PCDHGB7: variants seen among roughly 807,000 people sequenced by gnomAD.
PCDHGB7 encodes the protein protocadherin gamma subfamily B, 7.
A neutral mutation model predicts 61.4 loss-of-function variants in PCDHGB7; 37 were observed. The observed-to-expected ratio is 0.60, with a 90% confidence interval of 0.46 to 0.79. PCDHGB7 has a LOEUF of 0.79. Among genes scored for constraint, PCDHGB7 ranks in the 30% least tolerant of loss-of-function variants. The pLI, the probability that PCDHGB7 is intolerant of heterozygous loss-of-function variation, is 0.00. For synonymous variants in PCDHGB7, 464 were observed against 503.5 expected, an observed-to-expected ratio of 0.92 and a Z score of 1.05; for missense variants, 1,166 against 1,202.5, an observed-to-expected ratio of 0.97 and a Z score of 0.45.
intron 1 of PCDHGB7, chr5:141,427,957 C>G (rs770633827): frequency 1.3e-5 from 20 of 1,588,284 alleles, no homozygotes; most frequent in African/African-American, 2.7e-5. Flanking sequence ...GACAATGTGC[C>G]GCGGGTGCTG....
intron 1 of PCDHGB7, among the ~76,000 whole-genome samples, chr5:141,463,024 A>G (rs2099051235): frequency 6.6e-6 from 1 of 152,070 alleles, no homozygotes; most frequent in South Asian, 2.1e-4. Context: ...GACTTTTTTG[A>G]TTAATCTGAG....
Position 141,487,007 on chromosome 5 carries a change from G to C in PCDHGB7, c.2416-7800G>C, listed in dbSNP as rs563548715. On this transcript the variant is annotated intron_variant, in intron 1 of 3. Transcript: ENST00000398594. This position sits in a 1 kb window ranked among gnomAD's most constrained non-coding sequence, Gnocchi z 5.0. ...TGCTTGGGTTTCCTATCAGCTCCTG[G>C]AGGCCCCAGATCCCAGCCTGTTTGC... The C allele has an allele frequency of 6.2e-7, 1 of 1,614,206 alleles. No individual in the cohort carries two copies. Among genetic ancestry groups the C allele is most frequent in the Non-Finnish European group, 8.5e-7 (1 of 1,180,042 alleles).
chr5:141,487,001 C>T lies in PCDHGB7; in HGVS notation c.2416-7806C>T. ...TTACAATGCTTGGGTTTCCTATCAG[C>T]TCCTGGAGGCCCCAGATCCCAGCCT... On this transcript the variant is annotated intron_variant, in intron 1 of 3. Transcript: ENST00000398594. This position sits in a 1 kb window ranked among gnomAD's most constrained non-coding sequence, Gnocchi z 5.0. 6.2e-7 allele frequency: 1 copy of T among 1,614,218 alleles called. No individual in the cohort carries two copies. The highest frequency in any genetic ancestry group is 8.5e-7 in the Non-Finnish European group (1 of 1,180,038).
chr5:141,503,598 CAAA>C (rs765754054), intron 2 of PCDHGB7, among the ~76,000 whole-genome samples: 9 of 65,742 alleles, frequency 1.4e-4, no homozygotes, highest in Admixed American at 3.4e-4. Context: ...GACTCCAGCT[CAAA>C]AAAAAAAAAA....
intron 1 of PCDHGB7, among the ~76,000 whole-genome samples, chr5:141,453,080 A>T (rs1323212808): frequency 6.6e-6 from 1 of 151,960 alleles, no homozygotes; most frequent in Non-Finnish European, 1.5e-5. Context: ...ACTCTGGTTG[A>T]TTAGTATATT....
rs1439568232 is a variant in PCDHGB7 at position 141,419,230 on chromosome 5, C to G, written c.1371C>G (p.Tyr457Ter). 6.2e-7 allele frequency: 1 copy of G among 1,613,910 alleles called. No homozygotes were observed. Among genetic ancestry groups the G allele is most frequent in the Non-Finnish European group, 8.5e-7 (1 of 1,179,910 alleles). The change falls in exon 1 of 4, where the codon TAC becomes TAG. Residue 457 changes from tyrosine (Y) to a stop codon, truncating the protein, a stop_gained. Transcript: ENST00000398594. LOFTEE classifies it high-confidence loss of function. ...DNAPVFGQSA[Y>*]LVHVPENNQP... ...CGCCGGTTTTCGGACAGTCAGCCTA[C>G]CTGGTCCACGTGCCAGAAAACAACC...
intron 1 of PCDHGB7, among the ~76,000 whole-genome samples, chr5:141,457,440 A>C (rs188608086): frequency 1.3e-5 from 2 of 152,334 alleles, no homozygotes; most frequent in African/African-American, 4.8e-5. Flanking sequence ...ACCAAGCTGC[A>C]GAAGATCACC....
intron 1 of PCDHGB7, among the ~76,000 whole-genome samples, chr5:141,438,655 T>G (rs1436221152): frequency 7.1e-6 from 1 of 140,042 alleles, no homozygotes; most frequent in East Asian, 2.1e-4. Flanking sequence ...CACACACATA[T>G]ATGTATATAT....
At chr5:141,507,474 C>T (rs774159694) in intron 3 of PCDHGB7, among the ~76,000 whole-genome samples, 2 of 152,196 alleles carry the variant, frequency 1.3e-5, no homozygotes, top group Non-Finnish European at 2.9e-5. Flanking sequence ...GCAGGGACTG[C>T]TGGCCTCCTG....
intron 1 of PCDHGB7, among the ~76,000 whole-genome samples, chr5:141,454,989 T>C (rs1460420144): frequency 6.6e-6 from 1 of 151,506 alleles, no homozygotes; most frequent in East Asian, 2.0e-4. Context: ...TTAAAAAATA[T>C]TTTTAGTAGA....
intron 1 of PCDHGB7, among the ~76,000 whole-genome samples, chr5:141,470,014 A>G (rs1394478856): frequency 6.6e-6 from 1 of 152,200 alleles, no homozygotes; most frequent in Non-Finnish European, 1.5e-5. Flanking sequence ...CTGTAATCCC[A>G]GCTACTCGGG....
intron 1 of PCDHGB7, chr5:141,420,546 G>T: frequency 3.5e-6 from 1 of 284,254 alleles, no homozygotes; most frequent in Admixed American, 5.0e-5. Flanking sequence ...ATAAAATACA[G>T]GTATATTTTT....
intron 1 of PCDHGB7, chr5:141,421,719 C>T (rs2096595246): frequency 6.2e-7 from 1 of 1,613,942 alleles, no homozygotes; most frequent in Non-Finnish European, 8.5e-7. Flanking sequence ...CAGATGTGGG[C>T]GTGAACTCCC....
rs763840734 is a variant in PCDHGB7, at chr5:141,428,113, T to C, written c.2415+7839T>C. The stretch of plus-strand genomic sequence containing the variant: ...CTGTCCTACCACGTGCTGCAGGCCA[T>C]CGAGCCCGGGCTTTTCAGCCTGGGG... On this transcript the variant is annotated intron_variant, in intron 1 of 3. Transcript: ENST00000398594. 1.0e-5 allele frequency: 16 copies of C among 1,607,374 alleles called. No homozygotes were observed. In the African/African-American group the frequency reaches 1.9e-4, roughly 19 times the overall value.
intron 1 of PCDHGB7, among the ~76,000 whole-genome samples, chr5:141,481,913 C>CAAAA (rs34114744): frequency 1.1e-5 from 1 of 90,846 alleles, no homozygotes; most frequent in African/African-American, 4.2e-5. Context: ...AACTCCATCT[C>CAAAA]AAAAAAAAAA....
chr5:141,488,552 A>C (rs993681273), intron 1 of PCDHGB7, among the ~76,000 whole-genome samples: 1 of 152,194 alleles, frequency 6.6e-6, no homozygotes, highest in African/African-American at 2.4e-5. Context: ...GTCAGCTGAC[A>C]TTGAGATTTC....
chr5:141,510,959 G>A lies in PCDHGB7; in HGVS notation c.2576G>A (p.Gly859Glu). 6.2e-7 allele frequency: 1 copy of A among 1,614,110 alleles called. No individual in the cohort carries two copies. Among genetic ancestry groups the A allele is most frequent in the Non-Finnish European group, 8.5e-7 (1 of 1,180,012 alleles). Residue 859 changes from glycine to glutamate, a missense_variant, in exon 4 of 4, where the codon GGG becomes GAG. Coordinates refer to ENST00000398594, the MANE Select transcript of PCDHGB7 (RefSeq NM_018927.4). ...TCTGTCTCTGCAGAAGCTGCTGATG[G>A]GAGCTCCACCCTGGGAGGGGGTGCC... ...ILASASEAADGSSTLGGGAGT... is the reference protein window; with the variant it reads ...ILASASEAADESSTLGGGAGT...
rs1561863583 is a variant in PCDHGB7, at chr5:141,432,685, C to A, written c.2415+12411C>A. Reference sequence around the variant, plus strand: ...ACAGAGACGCGCTCAAGCAGAGCCTCGTAGTGGCCGTCCAGGACCACGGCC... The same window carrying A: ...ACAGAGACGCGCTCAAGCAGAGCCTAGTAGTGGCCGTCCAGGACCACGGCC... On this transcript the variant is annotated intron_variant, in intron 1 of 3. Transcript: ENST00000398594. The surrounding 1 kb of genome is among the most constrained non-coding windows in gnomAD (Gnocchi z 6.0). 3.7e-6 allele frequency: 6 copies of A among 1,613,932 alleles called. No individual in the cohort carries two copies. Among genetic ancestry groups the A allele is most frequent in the Non-Finnish European group, 5.1e-6 (6 of 1,179,966 alleles).
At chr5:141,428,041 TG>T (rs1260865435) in intron 1 of PCDHGB7, 1 of 1,608,448 alleles carries the variant, frequency 6.2e-7, no homozygotes, top group African/African-American at 1.3e-5. Flanking sequence ...GGCTACCTGG[TG>T]ACCAAGGTGG....
Sources: gnomAD v4.1 joint callset for allele counts (sites outside exome capture counted in the v4.1 genomes callset) on GRCh38, gnomAD v4.1.1 for gene constraint, Gnocchi (gnomAD v3.1) non-coding constraint, MANE v1.5 for transcripts, NCBI Gene and HGNC (gene_info 2026-07-23, HGNC 2026-07-21) for gene names.